The following CGNL1 variants were observed in gnomAD, a reference collection of about 807,000 sequenced individuals.
CGNL1 encodes the protein cingulin like 1.
Under a neutral mutation model 141.2 loss-of-function variants are expected in CGNL1, and 132 were observed. That is an observed-to-expected ratio of 0.93 (90% confidence interval 0.81 to 1.08). The LOEUF (loss-of-function observed/expected upper bound fraction) is 1.08. Ranked by LOEUF, CGNL1 falls within the 50% of genes least tolerant of loss-of-function variation. CGNL1 has a pLI of 0.00. For missense variants in CGNL1, 1,870 were observed against 1,588.6 expected (o/e 1.18, Z -3.01); for synonymous variants, 690 against 622.1 (o/e 1.11, Z -1.63).
At chr15:57,383,000 A>T (rs2062440183) in intron 1 of CGNL1, among the ~76,000 whole-genome samples, 1 of 152,216 alleles carries the variant, frequency 6.6e-6, no homozygotes, top group South Asian at 2.1e-4. Context: ...GACAGTATTA[A>T]AAAAGGTTTG....
intron 1 of CGNL1, among the ~76,000 whole-genome samples, chr15:57,429,478 C>T (rs1374664426): frequency 6.6e-6 from 1 of 152,162 alleles, no homozygotes; most frequent in African/African-American, 2.4e-5. Flanking sequence ...ATAATTTGGA[C>T]TTAGGCTTCG....
chr15:57,541,694 T>C (rs11071331), intron 14 of CGNL1, among the ~76,000 whole-genome samples: 97,442 of 152,070 alleles, frequency 0.64, 32,829 homozygotes, highest in Non-Finnish European at 0.76. Context: ...ATTGGAATCC[T>C]TTTCACTTAG....
At chr15:57,409,340 A>G (rs185521439) in intron 1 of CGNL1, among the ~76,000 whole-genome samples, 1 of 152,230 alleles carries the variant, frequency 6.6e-6, no homozygotes, top group Non-Finnish European at 1.5e-5. Context: ...CTTGAATTCC[A>G]TGCTGAGGAG....
chr15:57,482,370 T>C (rs2063736789), intron 8 of CGNL1, among the ~76,000 whole-genome samples: 1 of 152,220 alleles, frequency 6.6e-6, no homozygotes, highest in African/African-American at 2.4e-5. Flanking sequence ...CTACCTTAGA[T>C]CCCAGAGATT....
intron 8 of CGNL1, among the ~76,000 whole-genome samples, chr15:57,467,152 T>A (rs1036214655): frequency 6.6e-6 from 1 of 152,202 alleles, no homozygotes; most frequent in East Asian, 1.9e-4. Context: ...ACTATACATA[T>A]AAATCAGGTG....
At chr15:57,440,616 G>A (rs571304925) in intron 3 of CGNL1, 145 bp downstream of exon 3, 10 of 660,226 alleles carry the variant, frequency 1.5e-5, no homozygotes, top group East Asian at 2.8e-5. Flanking sequence ...TGGGGTTTTC[G>A]TGACGGCATT....
At chr15:57,428,751 G>C (rs143891344) in intron 1 of CGNL1, among the ~76,000 whole-genome samples, 1 of 152,204 alleles carries the variant, frequency 6.6e-6, no homozygotes, top group Non-Finnish European at 1.5e-5. Context: ...TGGGCCGGGC[G>C]TAGTGGCTCA....
At chr15:57,434,141 C>T (rs137875192) in intron 1 of CGNL1, among the ~76,000 whole-genome samples, 138 of 152,216 alleles carry the variant, frequency 9.1e-4, no homozygotes, top group African/African-American at 2.9e-3. Flanking sequence ...GCAGAGAAAA[C>T]GTGTTTTTAG....
intron 12 of CGNL1, chr15:57,527,137 G>T (rs1172997404): frequency 6.6e-6 from 1 of 152,160 alleles, no homozygotes; most frequent in Non-Finnish European, 1.5e-5. Flanking sequence ...TCCATGGGGT[G>T]ATTTTCATTC....
chr15:57,477,030 A>C (rs1285113277), intron 8 of CGNL1, among the ~76,000 whole-genome samples: 1 of 152,040 alleles, frequency 6.6e-6, no homozygotes, highest in Non-Finnish European at 1.5e-5. Context: ...TTTTTGTTTT[A>C]TTTGTTAAAT....
chr15:57,465,968 A>C (rs1172004422), intron 8 of CGNL1, among the ~76,000 whole-genome samples: 1 of 152,238 alleles, frequency 6.6e-6, no homozygotes, highest in Non-Finnish European at 1.5e-5. Flanking sequence ...TATCTTTTAA[A>C]GAACAGTTTG....
chr15:57,478,861 ACTC>A (rs1224642769), intron 8 of CGNL1, among the ~76,000 whole-genome samples: 3 of 151,800 alleles, frequency 2.0e-5, no homozygotes, highest in African/African-American at 7.3e-5. Context: ...TTGGTATCGA[ACTC>A]CTGGGCTCAA....
intron 15 of CGNL1, 35 bp from the exon 16 acceptor site, chr15:57,544,438 A>G: frequency 6.2e-7 from 1 of 1,613,554 alleles, no homozygotes; most frequent in South Asian, 1.1e-5. Context: ...CGTGGCAGAC[A>G]CATAGCCCCT....
intron 1 of CGNL1, among the ~76,000 whole-genome samples, chr15:57,411,603 C>T (rs79160127): frequency 0.049 from 7,507 of 151,960 alleles, 627 homozygotes; most frequent in African/African-American, 0.17. Flanking sequence ...GCCACCATGC[C>T]AGGCTAATTT....
At chr15:57,468,359 G>A (rs144011209) in intron 8 of CGNL1, among the ~76,000 whole-genome samples, 2 of 147,818 alleles carry the variant, frequency 1.4e-5, no homozygotes, top group East Asian at 4.1e-4. Flanking sequence ...TCCCACCTCA[G>A]CCTCCCAAGG....
At chr15:57,467,346 T>C (rs1331119567) in intron 8 of CGNL1, among the ~76,000 whole-genome samples, 1 of 151,998 alleles carries the variant, frequency 6.6e-6, no homozygotes, top group African/African-American at 2.4e-5. Context: ...GGGACAGTAT[T>C]TGAGTTGGAT....
rs1302845363 is a variant in CGNL1, at chr15:57,442,444, C to G, written c.1769C>G (p.Ser590Cys). The change falls in exon 4 of 19, where the codon TCT becomes TGT. Residue 590 changes from serine to cysteine, a missense_variant. By Grantham distance (112) the Ser-to-Cys change is moderately radical. Transcript: ENST00000281282. ...LVFEKIQTLK[S>C]RAAGSAQGNN... ...TTTGAGAAAATCCAGACCTTAAAGT[C>G]TCGAGCAGCTGGGAGCGCCCAAGGA... 1 of 1,613,316 alleles carries G rather than the reference C, an allele frequency of 6.2e-7. No individual in the cohort carries two copies. Among genetic ancestry groups the G allele is most frequent in the Admixed American group, 1.7e-5 (1 of 59,988 alleles).
intron 8 of CGNL1, among the ~76,000 whole-genome samples, chr15:57,498,808 G>A (rs1567154814): frequency 6.6e-6 from 1 of 152,066 alleles, no homozygotes; most frequent in African/African-American, 2.4e-5. Flanking sequence ...GAGGCCCTGG[G>A]GTGGGAGGAA....
At chr15:57,409,542 G>A (rs2062762458) in intron 1 of CGNL1, among the ~76,000 whole-genome samples, 2 of 152,164 alleles carry the variant, frequency 1.3e-5, no homozygotes, top group African/African-American at 4.8e-5. Context: ...TCTAATTAGG[G>A]CCATGGTGTC....
Sources: allele counts gnomAD v4.1 joint callset (sites outside exome capture counted in the v4.1 genomes callset), GRCh38; gene constraint gnomAD v4.1.1; transcripts MANE v1.5; gene names NCBI Gene and HGNC (gene_info 2026-07-23, HGNC 2026-07-21).